Variants in ESRRG observed in about 807,000 individuals in gnomAD.
ESRRG encodes the protein estrogen related receptor gamma, also known as estrogen-related receptor gamma.
A neutral mutation model predicts 44.0 loss-of-function variants in ESRRG; 13 were observed. The observed-to-expected ratio is 0.30, with a 90% CI of 0.19 to 0.47. The LOEUF is 0.47. ESRRG is among the 20% of genes least tolerant of loss of function. The pLI is 1.00. For synonymous variants in ESRRG, 215 were observed against 214.6 expected, an observed-to-expected ratio of 1.00 and a Z score of -0.02; for missense variants, 395 against 580.6, an observed-to-expected ratio of 0.68 and a Z score of 3.29.
At chr1:216,639,683 T>C (rs2065996277) in intron 3 of ESRRG, among the ~76,000 whole-genome samples, 1 of 152,220 alleles carries the variant, frequency 6.6e-6, no homozygotes, top group Non-Finnish European at 1.5e-5. Context: ...ATTATGATTG[T>C]GCAGCCTATG....
At chr1:216,571,660 G>A (rs914853235) in intron 3 of ESRRG, among the ~76,000 whole-genome samples, 10 of 145,534 alleles carry the variant, frequency 6.9e-5, no homozygotes, top group African/African-American at 1.0e-4. Flanking sequence ...GCATTCACTC[G>A]TACATTTACC....
chr1:216,756,174 A>C (rs140779386), intron 2 of ESRRG, among the ~76,000 whole-genome samples: 1 of 152,028 alleles, frequency 6.6e-6, no homozygotes, highest in African/African-American at 2.4e-5. Flanking sequence ...TAGATGCAAT[A>C]AAATGGAAAG....
Position 216,609,895 on chromosome 1 carries a change from C to T in ESRRG, c.589+41078G>A, listed in dbSNP as rs190479960. ...GGTAGCTGTCAGCTTGTATTTTGCA[C>T]GTTTCAATATTATTTAAAAGTACTT... On this transcript the variant is annotated intron_variant, in intron 3 of 6. Transcript: ENST00000408911. Among the ~76,000 whole-genome samples, 30 of 152,242 alleles carry T rather than the reference C, an allele frequency of 2.0e-4. No individual in the cohort carries two copies. The East Asian group carries it at 3.1e-3, about 16-fold the overall frequency.
At chr1:216,621,495 G>A (rs1239915549) in intron 3 of ESRRG, among the ~76,000 whole-genome samples, 1 of 152,126 alleles carries the variant, frequency 6.6e-6, no homozygotes, top group Admixed American at 6.5e-5. Context: ...GGTATGTGAT[G>A]GTAAAGCCAC....
At chr1:216,886,597 G>T (rs1449047889) in intron 2 of ESRRG, among the ~76,000 whole-genome samples, 1 of 152,182 alleles carries the variant, frequency 6.6e-6, no homozygotes, top group Non-Finnish European at 1.5e-5. Flanking sequence ...CAATATGCCT[G>T]TATTCCTTCA....
At chr1:216,613,048 T>C (rs1288446966) in intron 3 of ESRRG, among the ~76,000 whole-genome samples, 1 of 152,208 alleles carries the variant, frequency 6.6e-6, no homozygotes, top group Admixed American at 6.5e-5. Flanking sequence ...TTCCATAGTA[T>C]CTTAAAGGGA....
Position 217,009,680 on chromosome 1 carries a change from G to A in ESRRG, c.-105-70007C>T, listed in dbSNP as rs558672674. Among the ~76,000 whole-genome samples, 6 of 148,326 alleles carry A rather than the reference G, an allele frequency of 4.0e-5. No homozygotes were observed. In the East Asian group the frequency reaches 1.2e-3, roughly 30 times the overall value. On this transcript the variant is annotated intron_variant, in intron 1 of 7. Coordinates refer to the ESRRG transcript ENST00000359162. ...GTCTCCCATGAGCATATCCCATTGA[G>A]TATAGTTTCCTTTTTCTTTTTCTTT...
intron 1 of ESRRG, among the ~76,000 whole-genome samples, chr1:217,131,564 G>A (rs1451742027): frequency 6.6e-6 from 1 of 152,166 alleles, no homozygotes; most frequent in Non-Finnish European, 1.5e-5. Flanking sequence ...ACCTGTTGAA[G>A]GTGACCAAGA....
chr1:216,593,983 T>C (rs926237719), intron 3 of ESRRG, among the ~76,000 whole-genome samples: 2 of 152,212 alleles, frequency 1.3e-5, no homozygotes, highest in African/African-American at 4.8e-5. Flanking sequence ...TCCTCCTGCC[T>C]CAGCCTCTCA....
chr1:216,763,288 T>C (rs895948050), intron 2 of ESRRG, among the ~76,000 whole-genome samples: 15 of 152,228 alleles, frequency 9.9e-5, no homozygotes, highest in African/African-American at 3.4e-4. Context: ...GAAGTCTCTT[T>C]AGGAGGCACC....
intron 2 of ESRRG, among the ~76,000 whole-genome samples, chr1:216,772,880 G>A (rs1297154525): frequency 6.6e-6 from 1 of 151,550 alleles, no homozygotes; most frequent in Non-Finnish European, 1.5e-5. Context: ...CTGATATTTG[G>A]TGTTTCCAAA....
At chr1:216,725,562 T>C (rs1429213668), upstream of ESRRG, among the ~76,000 whole-genome samples, 1 of 152,112 alleles carries the variant, frequency 6.6e-6, no homozygotes, top group Non-Finnish European at 1.5e-5. Flanking sequence ...CAAAGAAATA[T>C]GGAAGCTAAT....
intron 2 of ESRRG, among the ~76,000 whole-genome samples, chr1:216,909,547 G>C (rs1487055008): frequency 1.3e-5 from 2 of 151,990 alleles, no homozygotes; most frequent in African/African-American, 4.8e-5. Flanking sequence ...ACCCAGGCTG[G>C]AGTACAGTTG....
intron 2 of ESRRG, among the ~76,000 whole-genome samples, chr1:216,804,741 T>C (rs1576732443): frequency 6.6e-6 from 1 of 152,092 alleles, no homozygotes; most frequent in African/African-American, 2.4e-5. Context: ...TAAAAAGAAT[T>C]GAAATGCTCT....
intron 1 of ESRRG, among the ~76,000 whole-genome samples, chr1:217,033,229 TCTC>T (rs765410951): frequency 2.0e-5 from 3 of 152,088 alleles, no homozygotes; most frequent in Non-Finnish European, 4.4e-5. Flanking sequence ...TCCTAGCCCT[TCTC>T]CTCTTTGCAG....
intron 2 of ESRRG, among the ~76,000 whole-genome samples, chr1:216,655,633 C>G (rs2070300601): frequency 6.6e-6 from 1 of 152,156 alleles, no homozygotes; most frequent in South Asian, 2.1e-4. Flanking sequence ...TAAACGGGGT[C>G]TCTTTCACAA....
chr1:216,588,579 G>A (rs898064357), intron 3 of ESRRG, among the ~76,000 whole-genome samples: 3 of 152,232 alleles, frequency 2.0e-5, no homozygotes, highest in Middle Eastern at 3.4e-3. Flanking sequence ...CACTTTCATA[G>A]ATCATCTTAT....
intron 1 of ESRRG, among the ~76,000 whole-genome samples, chr1:216,986,517 C>A (rs2074895117): frequency 6.6e-6 from 1 of 151,696 alleles, no homozygotes; most frequent in South Asian, 2.1e-4. Context: ...AGTCAACCAG[C>A]CTGAGAAACA....
At chr1:216,762,770 G>C (rs974225499) in intron 2 of ESRRG, among the ~76,000 whole-genome samples, 1 of 151,552 alleles carries the variant, frequency 6.6e-6, no homozygotes, top group Non-Finnish European at 1.5e-5. Context: ...ATAGGCTAGG[G>C]AGCATTTTTT....
Sources: gnomAD v4.1 joint callset for allele counts (sites outside exome capture counted in the v4.1 genomes callset) on GRCh38, gnomAD v4.1.1 for gene constraint, MANE v1.5 for transcripts, NCBI Gene and HGNC (gene_info 2026-07-23, HGNC 2026-07-21) for gene names.